GSG1L: variants seen among roughly 807,000 people sequenced by gnomAD.
GSG1L encodes germ cell-specific gene 1-like protein.
A neutral mutation model predicts 42.1 loss-of-function variants in GSG1L; 24 were observed. The observed-to-expected ratio is 0.57, with a 90% CI of 0.41 to 0.80. GSG1L has a LOEUF of 0.80. Among genes scored for constraint, GSG1L ranks in the 30% least tolerant of loss-of-function variants. GSG1L has a pLI of 0.00. For missense variants in GSG1L, 445 were observed against 472.2 expected (o/e 0.94, Z 0.53); for synonymous variants, 215 against 203.5 (o/e 1.06, Z -0.48).
chr16:28,019,547 T>G (rs749425695), intron 1 of GSG1L, among the ~76,000 whole-genome samples: 2 of 152,188 alleles, frequency 1.3e-5, no homozygotes, highest in Non-Finnish European at 2.9e-5. Flanking sequence ...ATTCTTTTAT[T>G]CCTTTACCTT....
intron 3 of GSG1L, among the ~76,000 whole-genome samples, chr16:27,871,844 A>T (rs905402577): frequency 5.9e-5 from 9 of 152,210 alleles, no homozygotes; most frequent in African/African-American, 2.2e-4. Flanking sequence ...CATTGATGGA[A>T]TAGAAAATAG....
At chr16:27,905,791 T>C (rs967572125) in intron 2 of GSG1L, among the ~76,000 whole-genome samples, 1 of 152,164 alleles carries the variant, frequency 6.6e-6, no homozygotes, top group African/African-American at 2.4e-5. Flanking sequence ...CCTGAGTCTA[T>C]GGTGAGCTCT....
At chr16:28,008,115 T>C (rs2085666986) in intron 1 of GSG1L, among the ~76,000 whole-genome samples, 1 of 152,134 alleles carries the variant, frequency 6.6e-6, no homozygotes, top group Non-Finnish European at 1.5e-5. Context: ...TTGAGTCTCT[T>C]GTCACCCAGG....
intron 1 of GSG1L, among the ~76,000 whole-genome samples, chr16:27,982,557 T>C (rs975392341): frequency 6.6e-6 from 1 of 152,212 alleles, no homozygotes; most frequent in Admixed American, 6.5e-5. Context: ...GGAAGTTGCA[T>C]AGTCCCCTGG....
chr16:27,913,728 C>T (rs1332204721), intron 2 of GSG1L, among the ~76,000 whole-genome samples: 3 of 152,054 alleles, frequency 2.0e-5, no homozygotes, highest in African/African-American at 7.2e-5. Flanking sequence ...TGTGTGGTTC[C>T]CAAAGCCAGT....
chr16:27,904,878 G>T (rs965711907), intron 2 of GSG1L, among the ~76,000 whole-genome samples: 6 of 152,214 alleles, frequency 3.9e-5, no homozygotes, highest in Admixed American at 3.9e-4. Context: ...CAGCCACCTG[G>T]AGGGGTCACA....
chr16:28,039,770 A>G (rs973898504), intron 1 of GSG1L, among the ~76,000 whole-genome samples: 1 of 151,990 alleles, frequency 6.6e-6, no homozygotes, highest in East Asian at 1.9e-4. Flanking sequence ...ACATACACAC[A>G]CAGATAGATA....
At chr16:27,798,088 T>G (rs897307840) in intron 6 of GSG1L, among the ~76,000 whole-genome samples, 2 of 152,186 alleles carry the variant, frequency 1.3e-5, no homozygotes, top group Non-Finnish European at 2.9e-5. Context: ...TTGTTCACTA[T>G]TCAGGTGACA....
At chr16:27,848,419 A>C (rs2083467166) in intron 3 of GSG1L, among the ~76,000 whole-genome samples, 1 of 152,238 alleles carries the variant, frequency 6.6e-6, no homozygotes, top group East Asian at 1.9e-4. Flanking sequence ...ACAGGACCAG[A>C]CTGCAAAACT....
chr16:27,879,047 T>G (rs78142969), intron 3 of GSG1L, among the ~76,000 whole-genome samples: 11 of 147,444 alleles, frequency 7.5e-5, no homozygotes, highest in East Asian at 2.0e-4. Context: ...GGCTGGGGGG[T>G]TTTTGATACA....
rs540388648 is a variant in GSG1L at position 27,970,973 on chromosome 16, C to T, written c.350-7770G>A. 2.6e-5 allele frequency among the ~76,000 whole-genome samples: 4 copies of T among 152,266 alleles called. No homozygotes were observed. In the South Asian group the frequency reaches 8.3e-4, roughly 32 times the overall value. ...AAAATTAATTGACTATAAGTAAAAG[C>T]GTTTATTTTATACTCTCAGTTCTAT... On this transcript the variant is annotated intron_variant, in intron 1 of 6. Coordinates refer to ENST00000447459, the MANE Select transcript of GSG1L (RefSeq NM_001109763.2).
intron 2 of GSG1L, among the ~76,000 whole-genome samples, chr16:27,892,238 T>C (rs542091324): frequency 6.6e-6 from 1 of 152,148 alleles, no homozygotes; most frequent in South Asian, 2.1e-4. Context: ...GAGGATCACT[T>C]AAGCCCAGGA....
At chr16:28,039,609 A>G (rs1276864730) in intron 1 of GSG1L, among the ~76,000 whole-genome samples, 1 of 151,766 alleles carries the variant, frequency 6.6e-6, no homozygotes, top group Non-Finnish European at 1.5e-5. Flanking sequence ...ACTTGCACAC[A>G]CACACACAAG....
At chr16:27,882,074 G>T (rs1053211230) in intron 3 of GSG1L, among the ~76,000 whole-genome samples, 1 of 152,138 alleles carries the variant, frequency 6.6e-6, no homozygotes, top group Non-Finnish European at 1.5e-5. Context: ...TAATTCCCAC[G>T]TGTCATGGGA....
rs537272935 is a variant in GSG1L, at chr16:28,040,442, A to T, written c.349+22634T>A. On this transcript the variant is annotated intron_variant, in intron 1 of 6. Coordinates refer to ENST00000447459, the MANE Select transcript of GSG1L (RefSeq NM_001109763.2). The surrounding 1 kb of genome is among the most constrained non-coding windows in gnomAD (Gnocchi z 4.1). ...ATTTGCTTATCTGTTGCCTCACCAC[A>T]TACTCCCCCAGAATTAATTACGAAT... 9.2e-5 allele frequency among the ~76,000 whole-genome samples: 14 copies of T among 152,204 alleles called. No homozygotes were observed. The highest frequency in any genetic ancestry group is 2.6e-4 in the African/African-American group (11 of 41,516).
chr16:27,877,437 T>A (rs1449618619), intron 3 of GSG1L, among the ~76,000 whole-genome samples: 1 of 152,224 alleles, frequency 6.6e-6, no homozygotes, highest in Non-Finnish European at 1.5e-5. Context: ...GTATCTTCAT[T>A]ATTATTACAT....
At chr16:27,906,591 G>A (rs1261055627) in intron 2 of GSG1L, among the ~76,000 whole-genome samples, 3 of 152,246 alleles carry the variant, frequency 2.0e-5, no homozygotes, top group South Asian at 2.1e-4. Flanking sequence ...CCCCTGAAAT[G>A]TTCTTTCCTC....
chr16:27,869,661 ATCTCTCTCTCTCTCCT>A (rs2083781474), intron 3 of GSG1L, among the ~76,000 whole-genome samples: 1 of 61,480 alleles, frequency 1.6e-5, no homozygotes, highest in Non-Finnish European at 3.2e-5. Flanking sequence ...GTCTTCCTCC[ATCTCTCTCTCTCTCCT>A]TCTCTCTCTG....
intron 2 of GSG1L, among the ~76,000 whole-genome samples, chr16:27,887,735 C>T (rs539564980): frequency 1.4e-4 from 22 of 152,324 alleles, no homozygotes; most frequent in South Asian, 8.3e-4. Flanking sequence ...TCATTCCTAG[C>T]GCAACAGTGC....
Sources: gnomAD v4.1 joint callset for allele counts (sites outside exome capture counted in the v4.1 genomes callset) on GRCh38, gnomAD v4.1.1 for gene constraint, Gnocchi (gnomAD v3.1) non-coding constraint, MANE v1.5 for transcripts, NCBI Gene and HGNC (gene_info 2026-07-23, HGNC 2026-07-21) for gene names.